PAQR7: variants seen among roughly 807,000 people sequenced by gnomAD.
PAQR7 encodes the protein membrane progestin receptor alpha.
Under a neutral mutation model 24.6 loss-of-function variants are expected in PAQR7, and 14 were observed. The ratio of observed to expected loss-of-function variants is 0.57; its 90% confidence interval spans 0.38 to 0.89. PAQR7 has a LOEUF of 0.89. Ranked by LOEUF, PAQR7 falls within the 40% of genes least tolerant of loss-of-function variation. The probability of loss-of-function intolerance (pLI) is 0.00; values close to 1 mark genes in which losing one functional copy is unlikely to be tolerated. For missense variants in PAQR7, 351 were observed against 444.0 expected (o/e 0.79, Z 1.88); for synonymous variants, 189 against 198.8 (o/e 0.95, Z 0.42).
In PAQR7 at chr1:25,862,591, G is replaced by T; in HGVS notation, c.*208C>A. On this transcript the variant is annotated 3_prime_UTR_variant, in exon 3 of 3. Transcript: ENST00000675840. ...TTCCCTCTCCCTGGGCAAGGAGCTG[G>T]GGCAGGCCCAGGAGTGGACCCCAGC... The T allele has an allele frequency of 1.7e-6, 1 of 597,366 alleles. No individual in the cohort carries two copies. Among genetic ancestry groups the T allele is most frequent in the Non-Finnish European group, 2.9e-6 (1 of 343,888 alleles). 37.0% of individuals were successfully genotyped at this position (597,366 alleles called of 1,614,324 possible).
chr1:25,871,681 C>T (rs1046762739), intron 1 of PAQR7, among the ~76,000 whole-genome samples: 1 of 152,216 alleles, frequency 6.6e-6, no homozygotes, highest in African/African-American at 2.4e-5. Flanking sequence ...CCATAACACC[C>T]GTGGGGCAAA....
At chr1:25,870,113 C>T (rs534240949) in intron 2 of PAQR7, among the ~76,000 whole-genome samples, 2 of 152,288 alleles carry the variant, frequency 1.3e-5, no homozygotes, top group East Asian at 3.9e-4. Context: ...GGGGTCAAGC[C>T]TGAGCCAGCA....
At chr1:25,873,197 A>G (rs1226740050) in intron 1 of PAQR7, among the ~76,000 whole-genome samples, 2 of 152,190 alleles carry the variant, frequency 1.3e-5, no homozygotes, top group Admixed American at 6.5e-5. Flanking sequence ...GAACTTTCAC[A>G]CACATTTTAC....
chr1:25,872,754 T>G (rs916052613), intron 1 of PAQR7, among the ~76,000 whole-genome samples: 1 of 152,092 alleles, frequency 6.6e-6, no homozygotes, highest in Non-Finnish European at 1.5e-5. Context: ...CAAGTCATCC[T>G]CCCACCTTGG....
chr1:25,863,247 G>A lies in PAQR7; in HGVS notation c.593C>T (p.Pro198Leu). 6.2e-7 allele frequency: 1 copy of A among 1,614,268 alleles called. No individual in the cohort carries two copies. The highest frequency in any genetic ancestry group is 8.5e-7 in the Non-Finnish European group (1 of 1,180,040). The change falls in exon 3 of 3, where the codon CCA (proline) becomes CTA (leucine). Residue 198 changes from proline to leucine, a missense_variant. Pro to Leu is a moderately conservative substitution (Grantham distance 98, BLOSUM62 -3). Coordinates refer to ENST00000675840, the MANE Select transcript of PAQR7 (RefSeq NM_178422.6). The surrounding 1 kb of genome is among the most constrained non-coding windows in gnomAD (Gnocchi z 6.1). The stretch of plus-strand genomic sequence containing the variant: ...CTGGCATGTGCGGCCCAGCAGGCCT[G>A]GTTTCTGGATGTACTTGTTATAGCA... ...GSCYNKYIQK[P>L]GLLGRTCQEV... is the part of the protein sequence containing the mutation.
intron 2 of PAQR7, among the ~76,000 whole-genome samples, chr1:25,865,047 T>C (rs2048545223): frequency 6.6e-6 from 1 of 150,784 alleles, no homozygotes; most frequent in South Asian, 2.1e-4. Context: ...TCCCAGCTGC[T>C]CGGGAGGCTG....
rs539969172 is a variant in PAQR7, at chr1:25,863,805, G to A, written c.35C>T (p.Pro12Leu). 25 of 1,613,088 alleles carry A rather than the reference G, an allele frequency of 1.5e-5. No individual in the cohort carries two copies. The highest frequency in any genetic ancestry group is 2.2e-5 in the East Asian group (1 of 44,864). Residue 12 changes from proline (P) to leucine (L), a missense_variant, in exon 3 of 3, where the codon CCG becomes CTG. Pro to Leu is a moderately conservative substitution (Grantham distance 98). Coordinates refer to ENST00000675840, the MANE Select transcript of PAQR7 (RefSeq NM_178422.6). This position sits in a 1 kb window ranked among gnomAD's most constrained non-coding sequence, Gnocchi z 6.1. ...CTCCTGGATGACCTGCCGCAGACTC[G>A]GCAGGAGGTGGCTGAGTTTCTGGGC... ...AMAQKLSHLL[P>L]SLRQVIQEPQ... is the part of the protein sequence containing the mutation.
chr1:25,868,324 C>T (rs1011120428), intron 2 of PAQR7, among the ~76,000 whole-genome samples: 2 of 152,202 alleles, frequency 1.3e-5, no homozygotes, highest in African/African-American at 4.8e-5. Context: ...CCTGTGGACA[C>T]CTAGCTCCTG....
rs2048645559 is a variant in PAQR7, at chr1:25,875,591, GGCGGCCTCGGGCGC to G, written c.-226_-213del. On this transcript the variant is annotated 5_prime_UTR_variant, in exon 1 of 3. Transcript: ENST00000675840. The surrounding 1 kb of genome is among the most constrained non-coding windows in gnomAD (Gnocchi z 5.4). ...CCCCGCCCCAAGCCGGGGGAGGGCG[GGCGGCCTCGGGCGC>G]TCTGGCTACAGCCGCCTCCGCGGGC... is the stretch of plus-strand genomic sequence containing the variant. 1.3e-5 allele frequency among the ~76,000 whole-genome samples: 2 copies of G among 151,688 alleles called. No individual in the cohort carries two copies.
chr1:25,875,111 C>A lies in PAQR7; in HGVS notation c.-109+377G>T, dbSNP rs1404176070. Among the ~76,000 whole-genome samples the A allele has an allele frequency of 1.3e-5, 2 of 152,164 alleles. No homozygotes were observed. Among genetic ancestry groups the A allele is most frequent in the Non-Finnish European group, 2.9e-5 (2 of 68,008 alleles). ...GACGCCCCTACCCACTCCCTGCCCT[C>A]CATCCTTCATTTTCTCCAAGCAGCC... On this transcript the variant is annotated intron_variant, in intron 1 of 2. Transcript: ENST00000675840. This position sits in a 1 kb window ranked among gnomAD's most constrained non-coding sequence, Gnocchi z 5.4.
chr1:25,865,808 A>AAAAT (rs1242754459), intron 2 of PAQR7, among the ~76,000 whole-genome samples: 1 of 151,862 alleles, frequency 6.6e-6, no homozygotes, highest in Non-Finnish European at 1.5e-5. Context: ...CTCCATCTCA[A>AAAAT]AAATAAATAA....
chr1:25,864,952 G>A (rs1053788427), intron 2 of PAQR7, among the ~76,000 whole-genome samples: 5 of 151,350 alleles, frequency 3.3e-5, no homozygotes, highest in Admixed American at 3.3e-4. Flanking sequence ...GTCAGGAGAT[G>A]GAGACCATCC....
In PAQR7 at chr1:25,863,426, G is replaced by A. The variant is rs2124525944; in HGVS notation, c.414C>T (p.Phe138=). ...QAKSEFWHYS[F]FFLDYVGVAV... is the part of the protein sequence containing the mutation. ...CCACCCCCACATAGTCCAGGAAGAA[G>A]AAGCTGTAATGCCAGAACTCAGACT... is the stretch of plus-strand genomic sequence containing the variant. Residue 138 remains phenylalanine (F), a synonymous_variant, in exon 3 of 3, where the codon TTC becomes TTT. Transcript: ENST00000675840. The surrounding 1 kb of genome is among the most constrained non-coding windows in gnomAD (Gnocchi z 6.1). 6.2e-7 allele frequency: 1 copy of A among 1,614,274 alleles called. No homozygotes were observed. The highest frequency in any genetic ancestry group is 8.5e-7 in the Non-Finnish European group (1 of 1,180,050).
chr1:25,869,786 G>C (rs1278281826), intron 2 of PAQR7, among the ~76,000 whole-genome samples: 1 of 152,082 alleles, frequency 6.6e-6, no homozygotes, highest in Non-Finnish European at 1.5e-5. Flanking sequence ...TACTTTCTTA[G>C]GCTTCTAGCA....
Position 25,863,206 on chromosome 1 carries a change from G to C in PAQR7, c.634C>G (p.Leu212Val). 2 of 1,614,272 alleles carry C rather than the reference G, an allele frequency of 1.2e-6. No homozygotes were observed. The highest frequency in any genetic ancestry group is 1.7e-6 in the Non-Finnish European group (2 of 1,180,050). ...GRTCQEVPSV[L>V]AYALDISPVV... ...GGACTAATGTCCAGTGCGTAGGCCA[G>C]GACGGAGGGCACCTCCTGGCATGTG... Residue 212 changes from leucine (L) to valine (V), a missense_variant, in exon 3 of 3, where the codon CTG becomes GTG. Physicochemically the swap from Leu to Val is conservative, Grantham distance 32 (BLOSUM62 1). Transcript: ENST00000675840. The surrounding 1 kb of genome is among the most constrained non-coding windows in gnomAD (Gnocchi z 6.1).
rs2048637528 is a variant in PAQR7, at chr1:25,875,023, T to A, written c.-109+465A>T. Among the ~76,000 whole-genome samples the A allele has an allele frequency of 6.6e-6, 1 of 152,066 alleles. No homozygotes were observed. The highest frequency in any genetic ancestry group is 6.5e-5 in the Admixed American group (1 of 15,282). On this transcript the variant is annotated intron_variant, in intron 1 of 2. Transcript: ENST00000675840. This position sits in a 1 kb window ranked among gnomAD's most constrained non-coding sequence, Gnocchi z 5.4. Reference sequence around the variant, plus strand: ...GTCCCGGTCTCACCTACATTCCTCCTCCAGAAAGCAGTGAGCTCCCTGACT... The same window carrying A: ...GTCCCGGTCTCACCTACATTCCTCCACCAGAAAGCAGTGAGCTCCCTGACT...
At position 25,875,092 on chromosome 1, in the gene PAQR7, C is replaced by T. The variant is rs888162278; in HGVS notation, c.-109+396G>A. 3.9e-5 allele frequency among the ~76,000 whole-genome samples: 6 copies of T among 152,176 alleles called. No individual in the cohort carries two copies. The highest frequency in any genetic ancestry group is 7.4e-5 in the Non-Finnish European group (5 of 68,026). On this transcript the variant is annotated intron_variant, in intron 1 of 2. Coordinates refer to ENST00000675840, the MANE Select transcript of PAQR7 (RefSeq NM_178422.6). The surrounding 1 kb of genome is among the most constrained non-coding windows in gnomAD (Gnocchi z 5.4). ...AGCGGCCTTGCCCGGGCCAGACGCC[C>T]CTACCCACTCCCTGCCCTCCATCCT...
intron 2 of PAQR7, among the ~76,000 whole-genome samples, chr1:25,869,510 T>A (rs926320881): frequency 6.7e-6 from 1 of 149,620 alleles, no homozygotes; most frequent in African/African-American, 2.5e-5. Flanking sequence ...GAGCTGAGAT[T>A]GCAGTGAGCC....
chr1:25,863,676 T>G lies in PAQR7; in HGVS notation c.164A>C (p.His55Pro), dbSNP rs1385832140. 3 of 1,614,184 alleles carry G rather than the reference T, an allele frequency of 1.9e-6. No individual in the cohort carries two copies. In the South Asian group the frequency reaches 3.3e-5, roughly 18 times the overall value. Reference sequence around the variant, plus strand: ...GCGGAAATAGAAGCGCCAGGTCTGATGCAGCGGCCGGTAGCCCGCATAGAT... The same window carrying G: ...GCGGAAATAGAAGCGCCAGGTCTGAGGCAGCGGCCGGTAGCCCGCATAGAT... ...PYIYAGYRPL[H>P]QTWRFYFRTL... Residue 55 changes from histidine to proline, a missense_variant, in exon 3 of 3, where the codon CAT becomes CCT. Transcript: ENST00000675840. This position sits in a 1 kb window ranked among gnomAD's most constrained non-coding sequence, Gnocchi z 6.1.
Sources: allele counts gnomAD v4.1 joint callset (sites outside exome capture counted in the v4.1 genomes callset), GRCh38; gene constraint gnomAD v4.1.1; non-coding constraint Gnocchi (gnomAD v3.1); transcripts MANE v1.5; gene names NCBI Gene and HGNC (gene_info 2026-07-23, HGNC 2026-07-21).